MPP3: variants seen among roughly 807,000 people sequenced by gnomAD.
MPP3 encodes the protein MAGUK p55 scaffold protein 3, also known as MAGUK p55 subfamily member 3.
A neutral mutation model predicts 80.7 loss-of-function variants in MPP3; 48 were observed. The observed-to-expected ratio is 0.59, with a 90% CI of 0.47 to 0.76. The LOEUF (loss-of-function observed/expected upper bound fraction) is 0.76. MPP3 is among the 30% of genes least tolerant of loss of function. The probability of loss-of-function intolerance (pLI) is 0.00; values close to 1 mark genes in which losing one functional copy is unlikely to be tolerated. For synonymous variants in MPP3, 311 were observed against 297.6 expected (o/e 1.04, Z -0.46); for missense variants, 620 against 763.0 (o/e 0.81, Z 2.21).
At position 43,813,529 on chromosome 17, in the gene MPP3, A is replaced by G. The variant is rs529580453; in HGVS notation, c.1255+482T>C. Among the ~76,000 whole-genome samples the G allele has an allele frequency of 7.2e-5, 11 of 152,166 alleles. No individual in the cohort carries two copies. In the South Asian group the frequency reaches 2.3e-3, roughly 32 times the overall value. ...AGTAAGCCCCAGGAATTGGCAGGGG[A>G]GGCATCACCCAGGAATGTACCCAGC... On this transcript the variant is annotated intron_variant, in intron 16 of 19. Coordinates refer to ENST00000398389, the MANE Select transcript of MPP3 (RefSeq NM_001932.6).
At chr17:43,801,925 A>G in intron 19 of MPP3, 48 bp from the exon 20 acceptor site, 1 of 1,576,672 alleles carries the variant, frequency 6.3e-7, no homozygotes, top group Non-Finnish European at 8.6e-7. Flanking sequence ...GTTCTCCTAT[A>G]ACAAACCTAT....
rs1218962282 is a variant in MPP3, at chr17:43,830,073, C to G, written c.257G>C (p.Ser86Thr). Residue 86 changes from serine (S) to threonine (T), a missense_variant, in exon 6 of 20, where the codon AGT becomes ACT. Physicochemically the swap from Ser to Thr is moderately conservative, Grantham distance 58. Coordinates refer to ENST00000398389, the MANE Select transcript of MPP3 (RefSeq NM_001932.6). ...MEELQAASVH[S>T]DERELLQLLS... is the part of the protein sequence containing the mutation. ...CAGCTGGAGCAGCTCCCTCTCATCACTGTGCACGGAGGCGGCCTGCAACTC... is the reference window on the plus strand; with the variant it reads ...CAGCTGGAGCAGCTCCCTCTCATCAGTGTGCACGGAGGCGGCCTGCAACTC... The G allele has an allele frequency of 6.3e-7, 1 of 1,579,928 alleles. No homozygotes were observed. Among genetic ancestry groups the G allele is most frequent in the African/African-American group, 1.4e-5 (1 of 73,940 alleles).
intron 12 of MPP3, 70 bp downstream of exon 12, chr17:43,817,976 C>T: frequency 1.4e-6 from 2 of 1,418,554 alleles, no homozygotes; most frequent in Non-Finnish European, 1.9e-6. Flanking sequence ...CCTACTTCTT[C>T]CCAGCCTGAA....
In MPP3 at chr17:43,800,898, A is replaced by C. The variant is rs2044387946; in HGVS notation, c.*803T>G. ...ACAGGGAGAGTCATCTGGTTTCCCA[A>C]GATCTAGCACAATGGGAACCCCTAT... is the stretch of plus-strand genomic sequence containing the variant. On this transcript the variant is annotated 3_prime_UTR_variant, in exon 20 of 20. Coordinates refer to ENST00000398389, the MANE Select transcript of MPP3 (RefSeq NM_001932.6). 1 of 152,192 alleles carries C rather than the reference A, an allele frequency of 6.6e-6. No homozygotes were observed. The highest frequency in any genetic ancestry group is 1.5e-5 in the Non-Finnish European group (1 of 68,048). 9.4% of individuals were successfully genotyped at this position (152,192 alleles called of 1,614,324 possible). A position where few individuals can be genotyped will look rare whatever the true frequency, so the allele number is the denominator to read the frequency against.
In MPP3 at chr17:43,810,827, A is replaced by G; in HGVS notation, c.1438T>C (p.Leu480=). 6.2e-7 allele frequency: 1 copy of G among 1,608,488 alleles called. No individual in the cohort carries two copies. The highest frequency in any genetic ancestry group is 8.5e-7 in the Non-Finnish European group (1 of 1,178,550). Residue 480 remains leucine, a synonymous_variant, in exon 18 of 20, where the codon TTG becomes CTG. Coordinates refer to ENST00000398389, the MANE Select transcript of MPP3 (RefSeq NM_001932.6). Reference sequence around the variant, plus strand: ...CTCACTTCTGGCTCCACATCCACCAAACAAACTTTGTTTTTGGCCATAACA... The same window carrying G: ...CTCACTTCTGGCTCCACATCCACCAGACAAACTTTGTTTTTGGCCATAACA... The part of the protein sequence containing the change: ...QAVMAKNKVC[L]VDVEPEALKQ...
At chr17:43,830,183 G>T in intron 5 of MPP3, 76 bp from the exon 6 acceptor site, 6 of 1,123,810 alleles carry the variant, frequency 5.3e-6, no homozygotes, top group Non-Finnish European at 7.3e-6. Context: ...TTCCTCTTTG[G>T]AAGGGCCCAC....
chr17:43,827,271 C>T (rs1015411485), intron 8 of MPP3, among the ~76,000 whole-genome samples: 11 of 151,580 alleles, frequency 7.3e-5, no homozygotes, highest in Non-Finnish European at 1.5e-4. Flanking sequence ...CCACCTCGGC[C>T]TCCCAAAATG....
chr17:43,804,450 C>A (rs1331487236), intron 19 of MPP3, among the ~76,000 whole-genome samples: 1 of 152,162 alleles, frequency 6.6e-6, no homozygotes, highest in African/African-American at 2.4e-5. Context: ...AGAAAATAGT[C>A]TTTTCAACCA....
In MPP3 at chr17:43,801,229, G is replaced by A. The variant is rs1164362874; in HGVS notation, c.*472C>T. 6.4e-6 allele frequency: 1 copy of A among 155,526 alleles called. No homozygotes were observed. Among genetic ancestry groups the A allele is most frequent in the Admixed American group, 6.5e-5 (1 of 15,340 alleles). 9.6% of individuals were successfully genotyped at this position (155,526 alleles called of 1,614,324 possible). On this transcript the variant is annotated 3_prime_UTR_variant, in exon 20 of 20. Coordinates refer to ENST00000398389, the MANE Select transcript of MPP3 (RefSeq NM_001932.6). ...TACCAGGCAAGCACTTCAAAAAAAA[G>A]GTTAAGATCAACGTTTTAGTGCTTG...
At position 43,825,775 on chromosome 17, in the gene MPP3, T is replaced by C; in HGVS notation, c.590A>G (p.Asp197Gly). The part of the protein sequence containing the change: ...NGIAVLHKRP[D>G]EISQILAQSQ... ...ACGGACCAGAATCTGGCTGATCTCG[T>C]CGGGCCGCTTGTGCAGGACTGCGAT... The change falls in exon 9 of 20, where the codon GAC becomes GGC. Residue 197 changes from aspartate (D) to glycine (G), a missense_variant. Transcript: ENST00000398389. 2 of 1,612,992 alleles carry C rather than the reference T, an allele frequency of 1.2e-6. No individual in the cohort carries two copies. Among genetic ancestry groups the C allele is most frequent in the African/African-American group, 1.3e-5 (1 of 74,990 alleles).
rs370739834 is a variant in MPP3, at chr17:43,829,667, T to C, written c.428A>G (p.Asn143Ser). Residue 143 changes from asparagine (N) to serine (S), a missense_variant, in exon 7 of 20, where the codon AAC becomes AGC. By Grantham distance (46) the Asn-to-Ser change is conservative. Transcript: ENST00000398389. ...AGCAGCACCTACCAGGGGTTCCTTGTTCTTCACCAAGCGGACGATCTTCAC... is the reference window on the plus strand; with the variant it reads ...AGCAGCACCTACCAGGGGTTCCTTGCTCTTCACCAAGCGGACGATCTTCAC... Reference protein sequence around the residue: ...ESVKIVRLVKNKEPLGATIRR... With the variant: ...ESVKIVRLVKSKEPLGATIRR... The C allele has an allele frequency of 3.1e-6, 5 of 1,613,806 alleles. No individual in the cohort carries two copies. The African/African-American group carries it at 6.7e-5, about 22-fold the overall frequency.
At chr17:43,807,209 G>A (rs2154591135) in intron 19 of MPP3, among the ~76,000 whole-genome samples, 1 of 151,922 alleles carries the variant, frequency 6.6e-6, no homozygotes, top group Admixed American at 6.6e-5. Context: ...CTGACGTCAG[G>A]TGATCTGCCT....
intron 13 of MPP3, 21 bp downstream of exon 13, chr17:43,816,656 G>T (rs745633243): frequency 6.4e-7 from 1 of 1,568,356 alleles, no homozygotes; most frequent in Admixed American, 1.9e-5. Flanking sequence ...CCTGTGGACA[G>T]CGGATAGATA....
At position 43,806,175 on chromosome 17, in the gene MPP3, T is replaced by A. The variant is rs1039398052; in HGVS notation, c.1581+2781A>T. 1.0e-4 allele frequency among the ~76,000 whole-genome samples: 15 copies of A among 149,530 alleles called. 1 individual carries two copies. Among genetic ancestry groups the A allele is most frequent in the Non-Finnish European group, 1.6e-4 (11 of 67,714 alleles). ...CTTTTATTTATTTATTTAATTAATT[T>A]ATTTTTTTGAGACAGAGTCTTGCTC... On this transcript the variant is annotated intron_variant, in intron 19 of 19. Transcript: ENST00000398389.
chr17:43,811,415 G>A (rs1356609656), intron 16 of MPP3: 2 of 563,788 alleles, frequency 3.5e-6, no homozygotes, highest in African/African-American at 3.8e-5. Flanking sequence ...GTAGGCAAAA[G>A]GAGGCTTTTC....
chr17:43,802,559 T>C (rs192922424), intron 19 of MPP3, among the ~76,000 whole-genome samples: 59 of 152,342 alleles, frequency 3.9e-4, no homozygotes, highest in Non-Finnish European at 7.9e-4. Flanking sequence ...CATTAAGGTA[T>C]AGGCAACAAC....
At chr17:43,810,686 T>C in intron 18 of MPP3, 121 bp downstream of exon 18, 1 of 681,972 alleles carries the variant, frequency 1.5e-6, no homozygotes, top group Non-Finnish European at 2.5e-6. Flanking sequence ...CCAAAGAAAT[T>C]GAACAGCCAG....
chr17:43,810,449 A>C (rs9900554), intron 18 of MPP3, among the ~76,000 whole-genome samples: 6,832 of 152,096 alleles, frequency 0.045, 490 homozygotes, highest in African/African-American at 0.15. Context: ...CCTGGCACCG[A>C]GAGCTCAGCC....
Position 43,832,769 on chromosome 17 carries a change from T to G in MPP3, c.-46A>C, listed in dbSNP as rs1293360184. The G allele has an allele frequency of 6.6e-6, 1 of 152,260 alleles. No individual in the cohort carries two copies. Among genetic ancestry groups the G allele is most frequent in the African/African-American group, 2.4e-5 (1 of 41,352 alleles). The allele number at this position is 152,260 out of a possible 1,614,324, so 9.4% of individuals were successfully genotyped here. ...CGCCACGCCGGACTCACCCTCGGGC[T>G]GCTCCCCGCAGGAGGCCGAGCACCG... On this transcript the variant is annotated 5_prime_UTR_variant, in exon 2 of 20. Transcript: ENST00000398389.
Sources: gnomAD v4.1 joint callset for allele counts (sites outside exome capture counted in the v4.1 genomes callset) on GRCh38, gnomAD v4.1.1 for gene constraint, MANE v1.5 for transcripts, NCBI Gene and HGNC (gene_info 2026-07-23, HGNC 2026-07-21) for gene names.